PRKN: variants seen among roughly 807,000 people sequenced by gnomAD.
PRKN encodes the protein E3 ubiquitin-protein ligase parkin.
A neutral mutation model predicts 59.5 loss-of-function variants in PRKN; 56 were observed. That is an observed-to-expected ratio of 0.94 (90% CI 0.76 to 1.18). The LOEUF (loss-of-function observed/expected upper bound fraction) is 1.18, where lower values mean the gene tolerates loss of function less well. PRKN is among the 50% of genes most tolerant of loss of function. The pLI is 0.00. For missense variants in PRKN, 657 were observed against 596.4 expected (o/e 1.10, Z -1.06); for synonymous variants, 250 against 222.1 (o/e 1.13, Z -1.12).
At chr6:162,710,026 G>T (rs1403153946) in intron 1 of PRKN, among the ~76,000 whole-genome samples, 1 of 152,126 alleles carries the variant, frequency 6.6e-6, no homozygotes, top group Non-Finnish European at 1.5e-5. Context: ...ACGGGTTGGG[G>T]TGTTATCATG....
At chr6:161,508,690 C>G (rs1043626656) in intron 9 of PRKN, among the ~76,000 whole-genome samples, 6 of 152,086 alleles carry the variant, frequency 3.9e-5, no homozygotes, top group South Asian at 4.1e-4. Context: ...GTTTTGCAAC[C>G]CTTTAATCAT....
chr6:162,535,413 T>C lies in PRKN; in HGVS notation c.8-91940A>G, dbSNP rs150771060. ...TCATATATATGCATATATATGTACA[T>C]ATATACCTGAAAATACACACATATA... On this transcript the variant is annotated intron_variant, in intron 1 of 11. Coordinates refer to ENST00000366898, the MANE Select transcript of PRKN (RefSeq NM_004562.3). Among the ~76,000 whole-genome samples, 20 of 152,172 alleles carry C rather than the reference T, an allele frequency of 1.3e-4. No homozygotes were observed. In the East Asian group the frequency reaches 3.1e-3, roughly 24 times the overall value.
intron 7 of PRKN, among the ~76,000 whole-genome samples, chr6:161,764,132 C>T (rs567487174): frequency 6.6e-6 from 1 of 152,324 alleles, no homozygotes; most frequent in South Asian, 2.1e-4. Flanking sequence ...TTGCTCTCTC[C>T]TGTCTCAAGG....
chr6:161,827,447 A>C (rs1364586655), intron 6 of PRKN, among the ~76,000 whole-genome samples: 1 of 152,186 alleles, frequency 6.6e-6, no homozygotes, highest in African/African-American at 2.4e-5. Flanking sequence ...AATTTTTAAA[A>C]AATATAATCA....
intron 5 of PRKN, among the ~76,000 whole-genome samples, chr6:162,037,613 C>T (rs559748835): frequency 6.7e-6 from 1 of 150,112 alleles, no homozygotes; most frequent in Non-Finnish European, 1.5e-5. Flanking sequence ...GTGGCGTGAT[C>T]TCGGCTCACT....
chr6:161,479,039 A>T (rs535955845), intron 9 of PRKN, among the ~76,000 whole-genome samples: 1 of 152,240 alleles, frequency 6.6e-6, no homozygotes, highest in Non-Finnish European at 1.5e-5. Flanking sequence ...TGGATGAAAG[A>T]AAAAAGATAT....
At chr6:161,648,024 T>C (rs562940097) in intron 7 of PRKN, among the ~76,000 whole-genome samples, 1 of 152,320 alleles carries the variant, frequency 6.6e-6, no homozygotes, top group Non-Finnish European at 1.5e-5. Flanking sequence ...TGGGCATTTA[T>C]TACTGGTGCA....
intron 1 of PRKN, among the ~76,000 whole-genome samples, chr6:162,563,129 T>C (rs568523109): frequency 4.7e-4 from 72 of 152,206 alleles, no homozygotes; most frequent in Admixed American, 1.8e-3. Flanking sequence ...AGTGAAACCC[T>C]GTCTTTACTA....
At chr6:161,643,559 C>CCAGTGAA (rs1268013102) in intron 7 of PRKN, among the ~76,000 whole-genome samples, 2 of 152,160 alleles carry the variant, frequency 1.3e-5, no homozygotes, top group African/African-American at 4.8e-5. Context: ...TAAACATAGG[C>CCAGTGAA]CAGTGAACAG....
In PRKN at chr6:161,775,310, A is replaced by G. The variant is rs183932569; in HGVS notation, c.871+10462T>C. On this transcript the variant is annotated intron_variant, in intron 7 of 11. Transcript: ENST00000366898. ...CAGGCTGGAGTGAAATGGCACAATCATGGCTCACTGCAACCTCAGCCTCCC... is the reference window on the plus strand; with the variant it reads ...CAGGCTGGAGTGAAATGGCACAATCGTGGCTCACTGCAACCTCAGCCTCCC... 3.3e-3 allele frequency among the ~76,000 whole-genome samples: 506 copies of G among 151,992 alleles called. 2 individuals carry two copies. Among genetic ancestry groups the G allele is most frequent in the Middle Eastern group, 0.02 (6 of 294 alleles).
At chr6:161,972,274 CA>C (rs34466786) in intron 6 of PRKN, among the ~76,000 whole-genome samples, 26,377 of 91,280 alleles carry the variant, frequency 0.29, 2,658 homozygotes, top group Middle Eastern at 0.39. Flanking sequence ...AACTCCTTCT[CA>C]AAAAAAAAAA....
intron 7 of PRKN, among the ~76,000 whole-genome samples, chr6:161,652,614 T>C (rs1562584861): frequency 6.6e-6 from 1 of 152,226 alleles, no homozygotes; most frequent in Non-Finnish European, 1.5e-5. Flanking sequence ...TTCTTATTAT[T>C]CTAAAACAAT....
chr6:162,612,008 A>AC (rs1295493358), intron 1 of PRKN, among the ~76,000 whole-genome samples: 3 of 148,732 alleles, frequency 2.0e-5, no homozygotes, highest in Non-Finnish European at 4.5e-5. Context: ...ACACGGTGAA[A>AC]CCCCGTCTCT....
Position 161,546,367 on chromosome 6 carries a change from A to T in PRKN, c.1083+2487T>A, listed in dbSNP as rs75487087. ...TCACACATTCAACGCCACCCTTTTT[A>T]AATCACTGTGGAATTCCTTTAGCAT... On this transcript the variant is annotated intron_variant, in intron 9 of 11. Transcript: ENST00000366898. The surrounding 1 kb of genome is among the most constrained non-coding windows in gnomAD (Gnocchi z 4.4). 0.018 allele frequency among the ~76,000 whole-genome samples: 2,807 copies of T among 152,260 alleles called. 92 individuals carry two copies. The highest frequency in any genetic ancestry group is 0.063 in the African/African-American group (2,622 of 41,546).
intron 2 of PRKN, among the ~76,000 whole-genome samples, chr6:162,293,211 T>A (rs2128110033): frequency 6.6e-6 from 1 of 152,316 alleles, no homozygotes; most frequent in South Asian, 2.1e-4. Flanking sequence ...GAAATTAGAC[T>A]TCCCTTCTTC....
chr6:161,475,532 C>T lies in PRKN; in HGVS notation c.1083+73322G>A, dbSNP rs572260187. On this transcript the variant is annotated intron_variant, in intron 9 of 11. Coordinates refer to ENST00000366898, the MANE Select transcript of PRKN (RefSeq NM_004562.3). The surrounding 1 kb of genome is among the most constrained non-coding windows in gnomAD (Gnocchi z 5.3). ...TTTACATATATTTTTGAGACGAGGTCTCGCTCTGTGGCCCAGGCTGGAGTG... is the reference window on the plus strand; with the variant it reads ...TTTACATATATTTTTGAGACGAGGTTTCGCTCTGTGGCCCAGGCTGGAGTG... 6.6e-6 allele frequency among the ~76,000 whole-genome samples: 1 copy of T among 152,278 alleles called. No homozygotes were observed. Among genetic ancestry groups the T allele is most frequent in the South Asian group, 2.1e-4 (1 of 4,826 alleles).
intron 9 of PRKN, among the ~76,000 whole-genome samples, chr6:161,506,683 G>T (rs540127125): frequency 2.0e-4 from 30 of 152,238 alleles, no homozygotes; most frequent in African/African-American, 7.0e-4. Flanking sequence ...GTGGCTGTGG[G>T]GACCTAACTG....
At chr6:162,352,741 T>C (rs979553397) in intron 2 of PRKN, among the ~76,000 whole-genome samples, 1 of 152,190 alleles carries the variant, frequency 6.6e-6, no homozygotes, top group Non-Finnish European at 1.5e-5. Flanking sequence ...AGTACTTGCT[T>C]AGTAATGGAA....
intron 6 of PRKN, among the ~76,000 whole-genome samples, chr6:161,874,915 A>C (rs1274431866): frequency 9.5e-6 from 1 of 105,264 alleles, no homozygotes; most frequent in African/African-American, 4.5e-5. Flanking sequence ...ATATTATAAA[A>C]TATAAAATAT....
Sources: allele counts gnomAD v4.1 joint callset (sites outside exome capture counted in the v4.1 genomes callset), GRCh38; gene constraint gnomAD v4.1.1; non-coding constraint Gnocchi (gnomAD v3.1); transcripts MANE v1.5; gene names NCBI Gene and HGNC (gene_info 2026-07-23, HGNC 2026-07-21).